KCNH8: variants seen among roughly 807,000 people sequenced by gnomAD.
KCNH8 encodes potassium voltage-gated channel subfamily H member 8.
KCNH8 carries 70 observed loss-of-function variants against 103.6 expected under a neutral mutation model. The ratio of observed to expected loss-of-function variants is 0.68; its 90% CI spans 0.56 to 0.82. The LOEUF (loss-of-function observed/expected upper bound fraction) is 0.82, where lower values mean the gene tolerates loss of function less well. Ranked by LOEUF, KCNH8 falls within the 40% of genes least tolerant of loss-of-function variation. The pLI is 0.00. For missense variants in KCNH8, 1,217 were observed against 1,329.9 expected (o/e 0.92, Z 1.32); for synonymous variants, 498 against 489.4 (o/e 1.02, Z -0.23).
intron 11 of KCNH8, among the ~76,000 whole-genome samples, chr3:19,490,698 C>G (rs984307640): frequency 3.3e-5 from 5 of 152,104 alleles, no homozygotes; most frequent in Admixed American, 6.6e-5. Flanking sequence ...TGGTCTCCCC[C>G]CCTTAAAGTG....
intron 3 of KCNH8, among the ~76,000 whole-genome samples, chr3:19,306,615 A>G (rs567993550): frequency 6.6e-6 from 1 of 152,258 alleles, no homozygotes; most frequent in Non-Finnish European, 1.5e-5. Context: ...GAGAAAGGAA[A>G]CAATTCTTTC....
intron 5 of KCNH8, among the ~76,000 whole-genome samples, chr3:19,355,145 C>G (rs1028123675): frequency 6.6e-6 from 1 of 152,172 alleles, no homozygotes; most frequent in Non-Finnish European, 1.5e-5. Flanking sequence ...CTCATCATCA[C>G]TGGACATCAG....
chr3:19,285,118 G>A (rs928651843), intron 3 of KCNH8, among the ~76,000 whole-genome samples: 7 of 151,280 alleles, frequency 4.6e-5, no homozygotes, highest in African/African-American at 1.7e-4. Flanking sequence ...TCAGCAGGGG[G>A]CTTTAATTTT....
intron 11 of KCNH8, among the ~76,000 whole-genome samples, chr3:19,498,660 T>G (rs570971026): frequency 6.1e-4 from 93 of 152,360 alleles, no homozygotes; most frequent in Non-Finnish European, 1.2e-3. Context: ...GGTGCTCTGC[T>G]TTTTAGAGTT....
chr3:19,185,850 A>G (rs915280929), intron 1 of KCNH8, among the ~76,000 whole-genome samples: 1 of 152,016 alleles, frequency 6.6e-6, no homozygotes, highest in East Asian at 1.9e-4. Flanking sequence ...CCCAATGTAA[A>G]TATTGTTTAA....
chr3:19,309,228 G>C (rs750256663), intron 3 of KCNH8, among the ~76,000 whole-genome samples: 3 of 151,910 alleles, frequency 2.0e-5, no homozygotes, highest in Non-Finnish European at 4.4e-5. Context: ...CATTGTCTAA[G>C]AGAGACTGGG....
intron 1 of KCNH8, among the ~76,000 whole-genome samples, chr3:19,157,391 G>A (rs2063191109): frequency 6.6e-6 from 1 of 152,018 alleles, no homozygotes; most frequent in South Asian, 2.1e-4. Flanking sequence ...GTATTAATTT[G>A]GTACAGTTTT....
rs1187018511 is a variant in KCNH8 at position 19,511,164 on chromosome 3, C to T, written c.2079+763C>T. On this transcript the variant is annotated intron_variant, in intron 12 of 15. Coordinates refer to ENST00000328405, the MANE Select transcript of KCNH8 (RefSeq NM_144633.3). The stretch of plus-strand genomic sequence containing the variant: ...CCCCTAGCCCCCCACCCCCCACAGG[C>T]ACCAGTGTGTGATGTTCCCCTCCCT... Among the ~76,000 whole-genome samples, 9 of 148,604 alleles carry T rather than the reference C, an allele frequency of 6.1e-5. No individual in the cohort carries two copies. In the South Asian group the frequency reaches 8.7e-4, roughly 14 times the overall value.
intron 1 of KCNH8, among the ~76,000 whole-genome samples, chr3:19,212,619 TA>T (rs148212960): frequency 0.041 from 6,187 of 152,276 alleles, 447 homozygotes; most frequent in African/African-American, 0.14. Context: ...TGAATTGAGC[TA>T]AATTTTCTTC....
At chr3:19,451,078 T>C in intron 9 of KCNH8, 77 bp from the exon 10 acceptor site, 1 of 1,391,682 alleles carries the variant, frequency 7.2e-7, no homozygotes, top group Admixed American at 1.7e-5. Context: ...AGGAAGAGCA[T>C]CCCTGCTGTC....
At chr3:19,501,015 T>A (rs1313564365) in intron 11 of KCNH8, among the ~76,000 whole-genome samples, 2 of 151,460 alleles carry the variant, frequency 1.3e-5, no homozygotes, top group East Asian at 3.9e-4. Flanking sequence ...ATCAACAAAA[T>A]TGACAGACCA....
chr3:19,373,900 T>A (rs1412153643), intron 5 of KCNH8, among the ~76,000 whole-genome samples: 6 of 152,132 alleles, frequency 3.9e-5, no homozygotes, highest in Non-Finnish European at 8.8e-5. Flanking sequence ...TTGTTCAGTT[T>A]CCATGTAGTT....
At chr3:19,291,614 T>C (rs1318796470) in intron 3 of KCNH8, among the ~76,000 whole-genome samples, 1 of 152,212 alleles carries the variant, frequency 6.6e-6, no homozygotes, top group East Asian at 1.9e-4. Flanking sequence ...AGAGACAGTT[T>C]GTTATAATTT....
intron 2 of KCNH8, 32 bp from the exon 3 acceptor site, chr3:19,281,166 T>A (rs566433247): frequency 6.2e-6 from 10 of 1,600,598 alleles, no homozygotes; most frequent in Middle Eastern, 1.7e-4. Context: ...AGGCAATGGT[T>A]GATTTGTATT....
At chr3:19,452,457 G>C (rs936946476) in intron 10 of KCNH8, among the ~76,000 whole-genome samples, 1 of 152,076 alleles carries the variant, frequency 6.6e-6, no homozygotes, top group Non-Finnish European at 1.5e-5. Context: ...AATGAATTCA[G>C]TACTGGTCTA....
In KCNH8 at chr3:19,513,196, T is replaced by A. The variant is rs373240665; in HGVS notation, c.2306T>A (p.Val769Asp). The A allele has an allele frequency of 6.2e-7, 1 of 1,613,764 alleles. No individual in the cohort carries two copies. The highest frequency in any genetic ancestry group is 8.5e-7 in the Non-Finnish European group (1 of 1,179,924). Reference sequence around the variant, plus strand: ...GTGCCCTTTCACTCGCCTATCAGAGTCTCCAGGTCAAATTCCCCCAAAACC... The same window carrying A: ...GTGCCCTTTCACTCGCCTATCAGAGACTCCAGGTCAAATTCCCCCAAAACC... ...GTVPFHSPIR[V>D]SRSNSPKTKQ... is the part of the protein sequence containing the mutation. Residue 769 changes from valine to aspartate, a missense_variant, in exon 13 of 16, where the codon GTC becomes GAC. Physicochemically the swap from Val to Asp is radical, Grantham distance 152. Coordinates refer to ENST00000328405, the MANE Select transcript of KCNH8 (RefSeq NM_144633.3).
chr3:19,375,386 A>G (rs575669402), intron 5 of KCNH8, among the ~76,000 whole-genome samples: 50 of 150,838 alleles, frequency 3.3e-4, no homozygotes, highest in African/African-American at 1.2e-3. Context: ...CCTTTCTTCC[A>G]GTTGATTGCA....
intron 1 of KCNH8, among the ~76,000 whole-genome samples, chr3:19,243,132 C>A (rs1385092355): frequency 6.6e-6 from 1 of 152,174 alleles, no homozygotes; most frequent in Non-Finnish European, 1.5e-5. Context: ...CGTATCACAG[C>A]TGCTTAATAA....
intron 8 of KCNH8, among the ~76,000 whole-genome samples, chr3:19,444,275 A>G (rs534462243): frequency 2.6e-5 from 4 of 152,072 alleles, no homozygotes; most frequent in Non-Finnish European, 5.9e-5. Flanking sequence ...TACTTTCAGT[A>G]AATGTTGTTG....
Sources: gnomAD v4.1 joint callset for allele counts (sites outside exome capture counted in the v4.1 genomes callset) on GRCh38, gnomAD v4.1.1 for gene constraint, MANE v1.5 for transcripts, NCBI Gene and HGNC (gene_info 2026-07-23, HGNC 2026-07-21) for gene names.